Variants in DEPTOR observed in about 807,000 individuals in gnomAD.
DEPTOR encodes the protein DEP domain containing MTOR interacting protein.
DEPTOR carries 41 observed loss-of-function variants against 41.6 expected under a neutral mutation model. The ratio of observed to expected loss-of-function variants is 0.98; its 90% CI spans 0.77 to 1.28. The LOEUF is 1.28. Ranked by LOEUF, DEPTOR falls within the 50% of genes most tolerant of loss-of-function variation. The probability of loss-of-function intolerance (pLI) is 0.00; values close to 1 mark genes in which losing one functional copy is unlikely to be tolerated. For missense variants in DEPTOR, 514 were observed against 527.9 expected (o/e 0.97, Z 0.26); for synonymous variants, 195 against 192.3 (o/e 1.01, Z -0.12).
At chr8:120,046,814 T>C (rs976358523) in intron 8 of DEPTOR, among the ~76,000 whole-genome samples, 2 of 152,138 alleles carry the variant, frequency 1.3e-5, no homozygotes, top group Non-Finnish European at 1.5e-5. Context: ...TTCAACGCTT[T>C]TCCCTCTGGT....
chr8:120,045,956 C>T (rs1813147453), intron 8 of DEPTOR, among the ~76,000 whole-genome samples: 1 of 152,148 alleles, frequency 6.6e-6, no homozygotes, highest in African/African-American at 2.4e-5. Flanking sequence ...GTGCAGAGTT[C>T]ACCAGGTGCT....
At chr8:119,955,990 G>T (rs1028576092) in intron 3 of DEPTOR, among the ~76,000 whole-genome samples, 1 of 152,068 alleles carries the variant, frequency 6.6e-6, no homozygotes, top group Admixed American at 6.6e-5. Flanking sequence ...CTGGAGAGAG[G>T]CTATTTTGAG....
chr8:120,036,296 G>C (rs1431875365), intron 8 of DEPTOR, among the ~76,000 whole-genome samples: 1 of 152,216 alleles, frequency 6.6e-6, no homozygotes, highest in East Asian at 1.9e-4. Flanking sequence ...TATTGTGAAA[G>C]TTAGTCATTC....
At chr8:120,049,211 A>G (rs894939572) in intron 8 of DEPTOR, among the ~76,000 whole-genome samples, 3 of 152,114 alleles carry the variant, frequency 2.0e-5, no homozygotes, top group Non-Finnish European at 4.4e-5. Flanking sequence ...TTCTTACAAC[A>G]GTCTTATAAG....
At chr8:120,003,945 C>T (rs1033138004) in intron 6 of DEPTOR, among the ~76,000 whole-genome samples, 5 of 152,144 alleles carry the variant, frequency 3.3e-5, no homozygotes, top group Non-Finnish European at 7.3e-5. Flanking sequence ...CTACAGTAAC[C>T]GCCAGAGAAC....
Position 120,042,254 on chromosome 8 carries a change from T to G in DEPTOR, c.1102-7322T>G, listed in dbSNP as rs112517215. Among the ~76,000 whole-genome samples the G allele has an allele frequency of 6.2e-4, 94 of 152,274 alleles. 1 individual carries two copies. The highest frequency in any genetic ancestry group is 2.1e-3 in the African/African-American group (87 of 41,558). ...TTCTGTGTGTTTGTGCCTGTGTGCT[T>G]TTGAATACAGAGGAGAAATAATTTC... On this transcript the variant is annotated intron_variant, in intron 8 of 8. Transcript: ENST00000286234.
chr8:119,928,691 C>A, intron 2 of DEPTOR, 113 bp downstream of exon 2: 5 of 1,124,222 alleles, frequency 4.4e-6, no homozygotes, highest in Non-Finnish European at 6.0e-6. Flanking sequence ...CTCCAGTGTA[C>A]CTCTCCCTGA....
chr8:120,041,729 G>A (rs988232408), intron 8 of DEPTOR, among the ~76,000 whole-genome samples: 59 of 152,082 alleles, frequency 3.9e-4, no homozygotes, highest in African/African-American at 1.4e-3. Context: ...GTAGAGACGG[G>A]GTTTCACCAT....
At chr8:120,009,008 A>C (rs1262845575) in intron 7 of DEPTOR, 21 bp from the exon 8 acceptor site, 33 of 1,611,866 alleles carry the variant, frequency 2.0e-5, no homozygotes, top group Non-Finnish European at 2.7e-5. Context: ...GCTGCTTGCT[A>C]ATTGTGGTTT....
intron 5 of DEPTOR, among the ~76,000 whole-genome samples, chr8:120,002,519 T>C (rs2130083659): frequency 6.6e-6 from 1 of 152,048 alleles, no homozygotes; most frequent in Middle Eastern, 3.4e-3. Context: ...CAAAGATGAA[T>C]AAGAAGATTA....
chr8:119,881,430 A>G (rs1439442424), intron 1 of DEPTOR, among the ~76,000 whole-genome samples: 1 of 152,062 alleles, frequency 6.6e-6, no homozygotes, highest in Non-Finnish European at 1.5e-5. Context: ...AGGCTGAGGC[A>G]GGAGAATCGC....
At chr8:120,041,397 T>C (rs971912263) in intron 8 of DEPTOR, among the ~76,000 whole-genome samples, 2 of 152,176 alleles carry the variant, frequency 1.3e-5, no homozygotes, top group Non-Finnish European at 2.9e-5. Context: ...GGCAAGATTA[T>C]TTAGTAAGTT....
chr8:119,874,606 G>GT (rs947387338), intron 1 of DEPTOR: 2 of 152,194 alleles, frequency 1.3e-5, no homozygotes, highest in Non-Finnish European at 2.9e-5. Flanking sequence ...GCAAGGGGGC[G>GT]TGGAGGCACC....
chr8:120,047,178 C>T (rs1813164958), intron 8 of DEPTOR, among the ~76,000 whole-genome samples: 1 of 151,980 alleles, frequency 6.6e-6, no homozygotes, highest in South Asian at 2.1e-4. Context: ...TGTGCCACTA[C>T]ACCTGGCTAA....
At chr8:119,889,389 T>A (rs1310448598) in intron 1 of DEPTOR, among the ~76,000 whole-genome samples, 5 of 150,556 alleles carry the variant, frequency 3.3e-5, no homozygotes, top group Non-Finnish European at 5.9e-5. Flanking sequence ...TCTACAGAAA[T>A]TTTAAAAATT....
intron 4 of DEPTOR, among the ~76,000 whole-genome samples, chr8:119,970,434 TCTTAGAAAGA>T (rs1828617251): frequency 6.6e-6 from 1 of 152,150 alleles, no homozygotes; most frequent in African/African-American, 2.4e-5. Context: ...AGGTGTTGTG[TCTTAGAAAGA>T]AGCTTGCCTT....
At chr8:120,013,096 G>T (rs971056451) in intron 8 of DEPTOR, among the ~76,000 whole-genome samples, 1 of 149,540 alleles carries the variant, frequency 6.7e-6, no homozygotes, top group African/African-American at 2.5e-5. Context: ...GGCAGAGGTT[G>T]TAGTGAGCCA....
intron 1 of DEPTOR, among the ~76,000 whole-genome samples, chr8:119,876,666 G>T (rs1320963993): frequency 2.6e-5 from 4 of 151,802 alleles, no homozygotes; most frequent in Non-Finnish European, 5.9e-5. Flanking sequence ...AGAAGGATGG[G>T]TAATAATGGA....
chr8:119,910,095 G>A (rs551651930), intron 1 of DEPTOR, among the ~76,000 whole-genome samples: 45 of 152,314 alleles, frequency 3.0e-4, no homozygotes, highest in African/African-American at 1.1e-3. Flanking sequence ...GTAGATATAT[G>A]AAATTTTATC....
Sources: allele counts gnomAD v4.1 joint callset (sites outside exome capture counted in the v4.1 genomes callset), GRCh38; gene constraint gnomAD v4.1.1; transcripts MANE v1.5; gene names NCBI Gene and HGNC (gene_info 2026-07-23, HGNC 2026-07-21).